LRIG2: variants seen among roughly 807,000 people sequenced by gnomAD.
The protein encoded by LRIG2 is leucine-rich repeats and immunoglobulin-like domains protein 2.
In LRIG2, 93 loss-of-function variants were observed where a neutral mutation model predicts 107.8. The observed-to-expected ratio is 0.86, with a 90% CI of 0.73 to 1.03. The LOEUF is 1.03. LRIG2 is among the 50% of genes least tolerant of loss of function. The pLI is 0.00. For missense variants in LRIG2, 1,226 were observed against 1,296.0 expected, an observed-to-expected ratio of 0.95 and a Z score of 0.83; for synonymous variants, 471 against 470.6, an observed-to-expected ratio of 1.00 and a Z score of -0.01.
At chr1:113,079,918 CG>C (rs888248974) in intron 1 of LRIG2, among the ~76,000 whole-genome samples, 33 of 150,520 alleles carry the variant, frequency 2.2e-4, no homozygotes, top group African/African-American at 7.8e-4. Flanking sequence ...TTAGTCAAGA[CG>C]GGGCTTCACC....
chr1:113,094,520 T>G (rs766241765), intron 5 of LRIG2, 38 bp downstream of exon 5: 1 of 1,580,024 alleles, frequency 6.3e-7, no homozygotes, highest in South Asian at 1.2e-5. Flanking sequence ...GAAGATAGTT[T>G]TTTCTTACAG....
In LRIG2 at chr1:113,107,610, A is replaced by G; in HGVS notation, c.1330A>G (p.Ser444Gly). Reference protein sequence around the residue: ...HLKELILNTSSLLCDCHLKWL... With the variant: ...HLKELILNTSGLLCDCHLKWL... Reference sequence around the variant, plus strand: ...TTCCTGCAGGATTCTGAACACAAGCAGTTTGCTCTGTGACTGCCATTTGAA... The same window carrying G: ...TTCCTGCAGGATTCTGAACACAAGCGGTTTGCTCTGTGACTGCCATTTGAA... The change falls in exon 12 of 18, where the codon AGT (serine) becomes GGT (glycine). Residue 444 changes from serine to glycine, a missense_variant. Physicochemically the swap from Ser to Gly is moderately conservative, Grantham distance 56. Coordinates refer to ENST00000361127, the MANE Select transcript of LRIG2 (RefSeq NM_014813.3). 1 of 1,610,548 alleles carries G rather than the reference A, an allele frequency of 6.2e-7. No individual in the cohort carries two copies. The highest frequency in any genetic ancestry group is 8.5e-7 in the Non-Finnish European group (1 of 1,179,208).
intron 8 of LRIG2, 139 bp from the exon 9 acceptor site, chr1:113,098,566 G>A: frequency 1.6e-6 from 1 of 609,376 alleles, no homozygotes; most frequent in Non-Finnish European, 3.0e-6. Context: ...AAGCAGAGTT[G>A]AGCCTTCATC....
In LRIG2 at chr1:113,100,283, G is replaced by A. The variant is rs766114208; in HGVS notation, c.1244+1G>A. On this transcript the variant is annotated splice_donor_variant, in intron 10 of 17. Coordinates refer to ENST00000361127, the MANE Select transcript of LRIG2 (RefSeq NM_014813.3). LOFTEE classifies it high-confidence loss of function. Reference sequence around the variant, plus strand: ...TTGGTCTTGAATCCCTTGAGCATCTGTAAGTATTTTGCATACATTTTGCTT... The same window carrying A: ...TTGGTCTTGAATCCCTTGAGCATCTATAAGTATTTTGCATACATTTTGCTT... 1 of 1,585,136 alleles carries A rather than the reference G, an allele frequency of 6.3e-7. No homozygotes were observed. The highest frequency in any genetic ancestry group is 1.1e-5 in the South Asian group (1 of 87,854).
At chr1:113,099,780 T>G (rs190183015) in intron 9 of LRIG2, among the ~76,000 whole-genome samples, 1 of 152,310 alleles carries the variant, frequency 6.6e-6, no homozygotes, top group East Asian at 1.9e-4. Context: ...CACATAAGAT[T>G]TTAGATCTTT....
chr1:113,094,593 A>T lies in LRIG2; in HGVS notation c.660-19A>T, dbSNP rs371381916. ...TTTAGCAAACCAATTTCCTGACTGTAAAACTATTTTTGTTAAAGGGAACTT... is the reference window on the plus strand; with the variant it reads ...TTTAGCAAACCAATTTCCTGACTGTTAAACTATTTTTGTTAAAGGGAACTT... On this transcript the variant is annotated intron_variant, in intron 5 of 17. Coordinates refer to ENST00000361127, the MANE Select transcript of LRIG2 (RefSeq NM_014813.3). The T allele has an allele frequency of 6.2e-7, 1 of 1,606,066 alleles. No individual in the cohort carries two copies.
At chr1:113,101,836 A>T (rs1654318957) in intron 11 of LRIG2, among the ~76,000 whole-genome samples, 1 of 152,268 alleles carries the variant, frequency 6.6e-6, no homozygotes, top group Non-Finnish European at 1.5e-5. Context: ...TTTATTCATC[A>T]TCTGCTATGT....
rs555548890 is a variant in LRIG2, at chr1:113,101,849, G to T, written c.1313+1361G>T. On this transcript the variant is annotated intron_variant, in intron 11 of 17. Coordinates refer to ENST00000361127, the MANE Select transcript of LRIG2 (RefSeq NM_014813.3). ...TATTTATTCATCATCTGCTATGTAG[G>T]ATACTGTTCTGGATGATGAAAACAT... Among the ~76,000 whole-genome samples, 5 of 152,294 alleles carry T rather than the reference G, an allele frequency of 3.3e-5. No individual in the cohort carries two copies. The East Asian group carries it at 9.6e-4, about 29-fold the overall frequency.
chr1:113,098,779 C>T lies in LRIG2; in HGVS notation c.1166C>T (p.Thr389Ile). 1 of 1,591,704 alleles carries T rather than the reference C, an allele frequency of 6.3e-7. No individual in the cohort carries two copies. Among genetic ancestry groups the T allele is most frequent in the Non-Finnish European group, 8.6e-7 (1 of 1,159,818 alleles). The stretch of plus-strand genomic sequence containing the variant: ...GCCTTTGCTGGACTCACAAGTCTCA[C>T]TAAACTGTATGTATTATAATATTTA... ...SEAFAGLTSLTKLILQGNQIK... is the reference protein window; with the variant it reads ...SEAFAGLTSLIKLILQGNQIK... Residue 389 changes from threonine to isoleucine, a missense_variant, in exon 9 of 18, where the codon ACT becomes ATT. By Grantham distance (89) the Thr-to-Ile change is moderately conservative. Around this residue, in one of 3 missense-constraint regions of LRIG2, gnomAD observed 570 missense variants for 550.2 expected, o/e 1.04. Coordinates refer to ENST00000361127, the MANE Select transcript of LRIG2 (RefSeq NM_014813.3).
chr1:113,085,956 C>T (rs899516896), intron 1 of LRIG2, among the ~76,000 whole-genome samples: 22 of 147,830 alleles, frequency 1.5e-4, no homozygotes, highest in Admixed American at 4.7e-4. Flanking sequence ...ATCATAAGCA[C>T]GTTAAATCAC....
intron 1 of LRIG2, among the ~76,000 whole-genome samples, chr1:113,074,719 C>T (rs561714992): frequency 7.6e-4 from 114 of 150,642 alleles, no homozygotes; most frequent in Admixed American, 1.3e-3. Context: ...CCATCCTGGC[C>T]AACATGGTGA....
At chr1:113,122,047 T>C (rs1438087728) in intron 17 of LRIG2, among the ~76,000 whole-genome samples, 1 of 147,558 alleles carries the variant, frequency 6.8e-6, no homozygotes, top group Non-Finnish European at 1.5e-5. Flanking sequence ...GCCAGAACCA[T>C]CCCTGCAAGT....
chr1:113,123,273 GTT>G (rs2101073099), intron 17 of LRIG2, among the ~76,000 whole-genome samples: 1 of 152,244 alleles, frequency 6.6e-6, no homozygotes, highest in Non-Finnish European at 1.5e-5. Flanking sequence ...TGTCTAAAGA[GTT>G]TTATTTAAAA....
chr1:113,116,274 GTCTCTT>G lies in LRIG2; in HGVS notation c.2531-11_2531-6del. 6.3e-7 allele frequency: 1 copy of G among 1,597,184 alleles called. No homozygotes were observed. Among genetic ancestry groups the G allele is most frequent in the Non-Finnish European group, 8.5e-7 (1 of 1,169,606 alleles). On this transcript the variant is annotated splice_polypyrimidine_tract_variant and splice_region_variant and intron_variant, in intron 15 of 17. Coordinates refer to ENST00000361127, the MANE Select transcript of LRIG2 (RefSeq NM_014813.3). ...CTGCCTACCTTTGAGAGTTAAAAATGTCTCTTTTACAGAGGAGCTCAATCTGCCTGC... is the reference window on the plus strand; with the variant it reads ...CTGCCTACCTTTGAGAGTTAAAAATGTTACAGAGGAGCTCAATCTGCCTGC...
In LRIG2 at chr1:113,119,520, G is replaced by A. The variant is rs148502496; in HGVS notation, c.2968G>A (p.Gly990Ser). The A allele has an allele frequency of 2.2e-4, 353 of 1,612,362 alleles. No individual in the cohort carries two copies. Among genetic ancestry groups the A allele is most frequent in the Non-Finnish European group, 2.7e-4 (318 of 1,179,292 alleles). The change falls in exon 17 of 18, where the codon GGT becomes AGT. Residue 990 changes from glycine to serine, a missense_variant. Coordinates refer to ENST00000361127, the MANE Select transcript of LRIG2 (RefSeq NM_014813.3). ...EKKLPSTQMS[G>S]ETLQRPVWNI... ...GAAACTTCCCTCCACACAGATGAGC[G>A]GTGGTAAGGGATGTATTTTTGTTGT... is the stretch of plus-strand genomic sequence containing the variant.
Position 113,100,407 on chromosome 1 carries a change from C to T in LRIG2, c.1245-13C>T. ...AATGGTGACTGATAATGTTTCATTT[C>T]TCTTTATTTCAGAGATTTGAACAAT... On this transcript the variant is annotated splice_polypyrimidine_tract_variant and intron_variant, in intron 10 of 17. Coordinates refer to ENST00000361127, the MANE Select transcript of LRIG2 (RefSeq NM_014813.3). The T allele has an allele frequency of 6.7e-7, 1 of 1,501,780 alleles. No individual in the cohort carries two copies. The highest frequency in any genetic ancestry group is 9.2e-7 in the Non-Finnish European group (1 of 1,084,126). The allele number at this position is 1,501,780 out of a possible 1,614,324, so 93.0% of individuals were successfully genotyped here.
intron 2 of LRIG2, among the ~76,000 whole-genome samples, chr1:113,092,171 TCAG>T (rs2101032874): frequency 6.6e-6 from 1 of 152,332 alleles, no homozygotes; most frequent in Admixed American, 6.5e-5. Context: ...TGAAAATGCT[TCAG>T]TGGGAAGTGC....
rs777855514 is a variant in LRIG2, at chr1:113,094,786, G to T, written c.803+31G>T. The T allele has an allele frequency of 2.0e-5, 32 of 1,601,266 alleles. No individual in the cohort carries two copies. The Admixed American group carries it at 5.2e-4, about 26-fold the overall frequency. On this transcript the variant is annotated intron_variant, in intron 6 of 17. Coordinates refer to ENST00000361127, the MANE Select transcript of LRIG2 (RefSeq NM_014813.3). Reference sequence around the variant, plus strand: ...TACTCGGGACTAGAGGTGATTATTAGGAAAGTAGTCTGTTTGGGACTTTTC... The same window carrying T: ...TACTCGGGACTAGAGGTGATTATTATGAAAGTAGTCTGTTTGGGACTTTTC...
intron 1 of LRIG2, among the ~76,000 whole-genome samples, chr1:113,081,645 C>A (rs201699942): frequency 1.3e-5 from 2 of 151,920 alleles, no homozygotes; most frequent in African/African-American, 4.8e-5. Context: ...CTCAGCCTCC[C>A]GAGTAGCTGG....
Sources: gnomAD v4.1 joint callset for allele counts (sites outside exome capture counted in the v4.1 genomes callset) on GRCh38, gnomAD v4.1.1 for gene constraint, gnomAD v4.1.1 regional missense constraint, MANE v1.5 for transcripts, NCBI Gene and HGNC (gene_info 2026-07-23, HGNC 2026-07-21) for gene names.